The following TRAPPC2L variants were observed in gnomAD, a reference collection of about 807,000 sequenced individuals.
TRAPPC2L encodes the protein trafficking protein particle complex subunit 2L, also known as trafficking protein particle complex subunit 2-like protein.
A neutral mutation model predicts 13.2 loss-of-function variants in TRAPPC2L; 17 were observed. The observed-to-expected ratio is 1.29, with a 90% CI of 0.88 to 1.93. The LOEUF (loss-of-function observed/expected upper bound fraction) is 1.93, where lower values mean the gene tolerates loss of function less well. Ranked by LOEUF, TRAPPC2L falls within the 30% of genes most tolerant of loss-of-function variation. The pLI is 0.00. For synonymous variants in TRAPPC2L, 150 were observed against 98.1 expected, an observed-to-expected ratio of 1.53 and a Z score of -3.12; for missense variants, 359 against 252.1, an observed-to-expected ratio of 1.42 and a Z score of -2.87.
chr16:88,856,381 T>C (rs760949088), upstream of TRAPPC2L: 4 of 701,568 alleles, frequency 5.7e-6, no homozygotes, highest in East Asian at 5.4e-5. Context: ...CGCGCCCACC[T>C]TTCCCAAGAG....
At chr16:88,856,331 G>A, upstream of TRAPPC2L, 1 of 702,628 alleles carries the variant, frequency 1.4e-6, no homozygotes, top group East Asian at 2.7e-5. Flanking sequence ...AGGCAGGGCG[G>A]CAGGAGCAGC....
At chr16:88,859,641 C>T in intron 2 of TRAPPC2L, 22 bp from the exon 3 acceptor site, 2 of 1,611,678 alleles carry the variant, frequency 1.2e-6, no homozygotes, top group Non-Finnish European at 1.7e-6. Context: ...GTTACGAGTG[C>T]CTTCCCTAAC....
chr16:88,856,792 T>A, upstream of TRAPPC2L: 1 of 1,532,730 alleles, frequency 6.5e-7, no homozygotes. Flanking sequence ...GTTGGGGGGC[T>A]GCGGGGCGCC....
exon 4 of TRAPPC2L, chr16:88,861,065 G>A (rs1968355803): frequency 3.5e-6 from 4 of 1,141,662 alleles, no homozygotes; most frequent in Non-Finnish European, 3.8e-6. Context: ...GGGGCTTTCA[G>A]GGCAGGCAGC....
chr16:88,861,651 AC>A (rs1468968165), exon 4 of TRAPPC2L: 2 of 498,848 alleles, frequency 4.0e-6, no homozygotes, highest in Non-Finnish European at 8.2e-6. Flanking sequence ...GCTGACTACC[AC>A]CCAGGGCAGC....
At chr16:88,860,169 C>T (rs1338220036) in exon 4 of TRAPPC2L, 2 of 712,814 alleles carry the variant, frequency 2.8e-6, no homozygotes, top group South Asian at 2.9e-5. Context: ...ATCTCCAGCG[C>T]ATAAAGTGGA....
upstream of TRAPPC2L, chr16:88,856,565 C>T (rs1374095310): frequency 1.6e-6 from 1 of 639,934 alleles, no homozygotes; most frequent in Non-Finnish European, 2.8e-6. Context: ...GGGCCTCCCC[C>T]TCCCCGCACG....
At chr16:88,858,181 T>G (rs1968100605) in intron 1 of TRAPPC2L, among the ~76,000 whole-genome samples, 1 of 152,204 alleles carries the variant, frequency 6.6e-6, no homozygotes, top group Non-Finnish European at 1.5e-5. Context: ...GAAGGGAATT[T>G]GAGCTGAGTC....
Position 88,859,210 on chromosome 16 carries a change from T to TG in TRAPPC2L, c.206+421dup, listed in dbSNP as rs1968202881. On this transcript the variant is annotated intron_variant, in intron 2 of 3. Coordinates refer to ENST00000565504, the Ensembl canonical transcript of TRAPPC2L. Reference sequence around the variant, plus strand: ...CCTTGGGACAAATCACTTGAGGCCATGGAATTCAAAGACCTTCCCAAAAGT... The same window carrying TG: ...CCTTGGGACAAATCACTTGAGGCCATGGGAATTCAAAGACCTTCCCAAAAGT... 4.2e-4 allele frequency: 207 copies of TG among 497,616 alleles called. 5 individuals carry two copies. The highest frequency in any genetic ancestry group is 3.3e-3 in the South Asian group (206 of 62,132). The allele number at this position is 497,616 out of a possible 1,614,324, so 30.8% of individuals were successfully genotyped here. A position where few individuals can be genotyped will look rare whatever the true frequency, so the allele number is the denominator to read the frequency against.
upstream of TRAPPC2L, chr16:88,856,808 C>A: frequency 6.5e-7 from 1 of 1,537,984 alleles, no homozygotes; most frequent in East Asian, 2.5e-5. Flanking sequence ...GCGCCCGAGG[C>A]CCCCATCCCC....
upstream of TRAPPC2L, chr16:88,856,916 G>C (rs1319800035): frequency 1.0e-5 from 15 of 1,486,720 alleles, no homozygotes; most frequent in African/African-American, 1.8e-4. Flanking sequence ...CCAGCGAGCC[G>C]ACCTAGCGAG....
upstream of TRAPPC2L, chr16:88,857,114 G>T (rs757856981): frequency 2.0e-6 from 3 of 1,537,834 alleles, no homozygotes; most frequent in Non-Finnish European, 1.7e-6. Flanking sequence ...CCAGCGGCGG[G>T]TCACGTGACG....
chr16:88,859,556 A>G (rs1220258382), intron 2 of TRAPPC2L, 107 bp from the exon 3 acceptor site: 1 of 1,070,584 alleles, frequency 9.3e-7, no homozygotes, highest in South Asian at 1.2e-5. Flanking sequence ...CAGCATGGGC[A>G]TTTCCTGTGA....
intron 2 of TRAPPC2L, 32 bp downstream of exon 2, chr16:88,858,823 G>A (rs772425989): frequency 1.3e-6 from 2 of 1,594,212 alleles, no homozygotes; most frequent in African/African-American, 1.3e-5. Flanking sequence ...GTGTCAGGGA[G>A]GACCTACAGT....
At chr16:88,856,940 T>C (rs986947493), upstream of TRAPPC2L, 3 of 1,461,802 alleles carry the variant, frequency 2.1e-6, no homozygotes, top group Admixed American at 7.7e-5. Flanking sequence ...CCGCCGGCCC[T>C]TCCGGCTGGG....
exon 4 of TRAPPC2L, chr16:88,860,012 A>G (rs751857187): frequency 1.6e-5 from 24 of 1,480,536 alleles, no homozygotes; most frequent in African/African-American, 5.7e-5. Flanking sequence ...TTCTTTCTGT[A>G]GGACATGCCT....
chr16:88,860,198 G>A lies in TRAPPC2L; in HGVS notation c.600G>A (p.Trp200Ter), dbSNP rs1163879800. 3 of 707,956 alleles carry A rather than the reference G, an allele frequency of 4.2e-6. No homozygotes were observed. The highest frequency in any genetic ancestry group is 7.7e-6 in the Non-Finnish European group (3 of 390,128). 43.9% of individuals were successfully genotyped at this position (707,956 alleles called of 1,614,324 possible). Residue 200 changes from tryptophan (W) to a stop codon, truncating the protein, a stop_gained, in exon 4 of 4, where the codon TGG becomes TGA. Transcript: ENST00000565504. LOFTEE classifies it low-confidence loss of function (END_TRUNC). ...AAGTGGATAGAGTGTGTGTGGTGTG[G>A]GGAGTAGAGCTTGCCCATTTGGCTT...
upstream of TRAPPC2L, chr16:88,856,609 C>CG: frequency 1.8e-6 from 1 of 561,260 alleles, no homozygotes; most frequent in Non-Finnish European, 3.3e-6. Context: ...CTCCTCCTCC[C>CG]CGCGCGGGGC....
At chr16:88,859,726 C>T (rs1254655853) in exon 3 of TRAPPC2L, 1 of 1,613,840 alleles carries the variant, frequency 6.2e-7, no homozygotes, top group East Asian at 2.2e-5. Flanking sequence ...CCAACACAGC[C>T]CTTCGAGACA....
Sources: gnomAD v4.1 joint callset for allele counts (sites outside exome capture counted in the v4.1 genomes callset) on GRCh38, gnomAD v4.1.1 for gene constraint, MANE v1.5 for transcripts, NCBI Gene and HGNC (gene_info 2026-07-23, HGNC 2026-07-21) for gene names.